The following ATP8A2 variants were observed in gnomAD, a reference collection of about 807,000 sequenced individuals.
ATP8A2 encodes ATPase phospholipid transporting 8A2.
In ATP8A2, 100 loss-of-function variants were observed where a neutral mutation model predicts 165.6. The observed-to-expected ratio is 0.60, with a 90% CI of 0.51 to 0.71. ATP8A2 has a LOEUF of 0.71. ATP8A2 is among the 30% of genes least tolerant of loss of function. The pLI is 0.00. For synonymous variants in ATP8A2, 543 were observed against 548.8 expected (o/e 0.99, Z 0.15); for missense variants, 1,227 against 1,479.5 (o/e 0.83, Z 2.80).
chr13:25,479,352 C>CT (rs1157401409), intron 2 of ATP8A2, among the ~76,000 whole-genome samples: 2 of 152,068 alleles, frequency 1.3e-5, no homozygotes, highest in Non-Finnish European at 2.9e-5. Context: ...TTAAATTACC[C>CT]TAATGTTTAA....
chr13:25,737,844 T>C (rs779302232), intron 25 of ATP8A2, among the ~76,000 whole-genome samples: 2 of 152,088 alleles, frequency 1.3e-5, no homozygotes, highest in East Asian at 1.9e-4. Context: ...CCACCATGCC[T>C]GACTAATTTT....
chr13:25,533,515 G>T (rs1593480014), intron 6 of ATP8A2, among the ~76,000 whole-genome samples: 1 of 152,130 alleles, frequency 6.6e-6, no homozygotes, highest in Admixed American at 6.6e-5. Flanking sequence ...GAACTTCATC[G>T]CTCCTGAGTG....
chr13:25,844,948 G>A (rs1213674397), intron 30 of ATP8A2, among the ~76,000 whole-genome samples: 1 of 152,152 alleles, frequency 6.6e-6, no homozygotes, highest in Non-Finnish European at 1.5e-5. Flanking sequence ...TTTTGAGAAG[G>A]TATATCGTTC....
chr13:25,592,958 C>A (rs145354770), intron 24 of ATP8A2, among the ~76,000 whole-genome samples: 1 of 152,132 alleles, frequency 6.6e-6, no homozygotes, highest in Non-Finnish European at 1.5e-5. Flanking sequence ...AGCAGAGGTG[C>A]ACTTTCTATG....
At chr13:25,461,090 C>T (rs1474939500) in intron 1 of ATP8A2, among the ~76,000 whole-genome samples, 8 of 152,330 alleles carry the variant, frequency 5.3e-5, no homozygotes, top group Admixed American at 5.2e-4. Flanking sequence ...TTCATCTTCT[C>T]TGATCTGAAA....
At chr13:25,758,986 G>A (rs1418756683) in intron 25 of ATP8A2, among the ~76,000 whole-genome samples, 1 of 151,972 alleles carries the variant, frequency 6.6e-6, no homozygotes. Flanking sequence ...GAAAGAGAGA[G>A]AAAGAGAGAG....
At position 25,810,241 on chromosome 13, in the gene ATP8A2, A is replaced by G. The variant is rs150849778; in HGVS notation, c.2680-17877A>G. Among the ~76,000 whole-genome samples, 156 of 152,330 alleles carry G rather than the reference A, an allele frequency of 1.0e-3. 1 individual carries two copies. The highest frequency in any genetic ancestry group is 1.4e-3 in the Non-Finnish European group (97 of 68,032). On this transcript the variant is annotated intron_variant, in intron 27 of 36. Transcript: ENST00000381655. The stretch of plus-strand genomic sequence containing the variant: ...CTAATCTTATTGCTAACTAATTTGT[A>G]CAGAAGTCTGTTTCTTTAGATAGTA...
At chr13:25,798,246 C>G (rs1005286940) in intron 27 of ATP8A2, among the ~76,000 whole-genome samples, 4 of 152,148 alleles carry the variant, frequency 2.6e-5, no homozygotes, top group African/African-American at 9.7e-5. Context: ...GGTAGTTATT[C>G]TTCTGTGAAG....
intron 27 of ATP8A2, among the ~76,000 whole-genome samples, chr13:25,776,488 G>GT (rs945331108): frequency 1.3e-5 from 2 of 152,174 alleles, no homozygotes; most frequent in Admixed American, 6.5e-5. Flanking sequence ...TTCACAATTT[G>GT]TCTGCTGGTC....
At chr13:25,897,658 A>G (rs1041249987) in intron 33 of ATP8A2, among the ~76,000 whole-genome samples, 1 of 152,190 alleles carries the variant, frequency 6.6e-6, no homozygotes, top group African/African-American at 2.4e-5. Flanking sequence ...TCTCCCCGTC[A>G]CTTTCAGGTC....
chr13:25,767,029 C>T (rs1220790795), intron 25 of ATP8A2, among the ~76,000 whole-genome samples: 1 of 152,176 alleles, frequency 6.6e-6, no homozygotes, highest in Non-Finnish European at 1.5e-5. Context: ...GTGTGGTGCA[C>T]AGGAAAATGT....
chr13:25,492,500 C>T (rs933345865), intron 2 of ATP8A2, among the ~76,000 whole-genome samples: 13 of 152,166 alleles, frequency 8.5e-5, no homozygotes, highest in African/African-American at 3.1e-4. Flanking sequence ...GTGAAACACA[C>T]TGGGGACATC....
chr13:25,899,031 A>G (rs1486203289), intron 33 of ATP8A2, among the ~76,000 whole-genome samples: 4 of 152,176 alleles, frequency 2.6e-5, no homozygotes, highest in Admixed American at 1.3e-4. Flanking sequence ...CCCTGCACCC[A>G]CTGTCTTGCA....
chr13:25,775,780 G>A (rs1019232165), intron 27 of ATP8A2, among the ~76,000 whole-genome samples: 5 of 152,136 alleles, frequency 3.3e-5, no homozygotes, highest in African/African-American at 1.2e-4. Context: ...TCTACTATGG[G>A]TTATTTTATA....
At chr13:25,560,590 C>G (rs1436609830) in intron 15 of ATP8A2, among the ~76,000 whole-genome samples, 2 of 148,810 alleles carry the variant, frequency 1.3e-5, no homozygotes, top group Admixed American at 1.4e-4. Context: ...ATCTCAGCTA[C>G]TCGGGAGGCT....
chr13:25,902,572 A>T (rs1953787034), intron 33 of ATP8A2, among the ~76,000 whole-genome samples: 1 of 79,008 alleles, frequency 1.3e-5, no homozygotes, highest in East Asian at 3.1e-4. Context: ...CATCAATTTA[A>T]AAAAAAAAAA....
intron 2 of ATP8A2, among the ~76,000 whole-genome samples, chr13:25,528,881 A>G (rs1033107375): frequency 6.6e-6 from 1 of 151,114 alleles, no homozygotes; most frequent in African/African-American, 2.4e-5. Context: ...CATATGCAAC[A>G]TGTGTATGCA....
intron 1 of ATP8A2, among the ~76,000 whole-genome samples, chr13:25,466,883 A>G (rs2035683305): frequency 6.6e-6 from 1 of 152,188 alleles, no homozygotes. Context: ...GGTAATGATG[A>G]TATCTGGTAC....
chr13:25,793,322 A>G (rs2045230550), intron 27 of ATP8A2, among the ~76,000 whole-genome samples: 2 of 152,208 alleles, frequency 1.3e-5, no homozygotes. Context: ...AGAGGTTTTC[A>G]GAGTAAATTA....
Sources: gnomAD v4.1 joint callset for allele counts (sites outside exome capture counted in the v4.1 genomes callset) on GRCh38, gnomAD v4.1.1 for gene constraint, MANE v1.5 for transcripts, NCBI Gene and HGNC (gene_info 2026-07-23, HGNC 2026-07-21) for gene names.